The following CTNNA2 variants were observed in gnomAD, a reference collection of about 807,000 sequenced individuals.
CTNNA2 encodes catenin alpha-2.
CTNNA2 carries 42 observed loss-of-function variants against 101.0 expected under a neutral mutation model. The observed-to-expected ratio is 0.42, with a 90% CI of 0.32 to 0.54. CTNNA2 has a LOEUF of 0.54. Among genes scored for constraint, CTNNA2 ranks in the 20% least tolerant of loss-of-function variants. The pLI is 0.14. For synonymous variants in CTNNA2, 450 were observed against 456.4 expected (o/e 0.99, Z 0.18); for missense variants, 871 against 1,223.1 (o/e 0.71, Z 4.29).
chr2:80,482,696 A>G lies in CTNNA2; in HGVS notation c.1291-62286A>G, dbSNP rs555007475. Among the ~76,000 whole-genome samples the G allele has an allele frequency of 3.3e-5, 5 of 152,310 alleles. No homozygotes were observed. The South Asian group carries it at 8.3e-4, about 25-fold the overall frequency. On this transcript the variant is annotated intron_variant, in intron 9 of 18. Transcript: ENST00000402739. Reference sequence around the variant, plus strand: ...ATTATTTTTTGATTCCACAGTGTCAATCTCCATGATGTTCATATTTTCTAC... The same window carrying G: ...ATTATTTTTTGATTCCACAGTGTCAGTCTCCATGATGTTCATATTTTCTAC...
At chr2:80,163,891 G>C (rs1295310651) in intron 7 of CTNNA2, among the ~76,000 whole-genome samples, 1 of 151,324 alleles carries the variant, frequency 6.6e-6, no homozygotes, top group Non-Finnish European at 1.5e-5. Flanking sequence ...TGTTTGCTCT[G>C]AATTCTACTT....
At chr2:79,401,327 TAATATA>T (rs1001586586) in intron 4 of CTNNA2, among the ~76,000 whole-genome samples, 2 of 151,326 alleles carry the variant, frequency 1.3e-5, no homozygotes, top group African/African-American at 2.4e-5. Flanking sequence ...AAAATAAAAA[TAATATA>T]AATATATATT....
intron 7 of CTNNA2, among the ~76,000 whole-genome samples, chr2:79,936,440 A>C (rs1328276641): frequency 6.6e-6 from 1 of 152,032 alleles, no homozygotes; most frequent in African/African-American, 2.4e-5. Context: ...AGAGTTACAG[A>C]CAACCCGACC....
intron 2 of CTNNA2, chr2:79,687,787 A>G: frequency 2.1e-6 from 1 of 475,748 alleles, no homozygotes; most frequent in Non-Finnish European, 3.7e-6. Context: ...TCGGCTTGAA[A>G]TACAGGCGCC....
rs186141072 is a variant in CTNNA2, at chr2:79,678,997, G to A, written c.102+27339G>A. Among the ~76,000 whole-genome samples the A allele has an allele frequency of 2.3e-3, 350 of 152,092 alleles. 1 individual carries two copies. Among genetic ancestry groups the A allele is most frequent in the Admixed American group, 6.2e-3 (95 of 15,272 alleles). On this transcript the variant is annotated intron_variant, in intron 2 of 18. Coordinates refer to ENST00000402739, the MANE Select transcript of CTNNA2 (RefSeq NM_001282597.3). ...CTCCCTCCACTGTTCAGATTTGTGG[G>A]GTTTTTTTAGCTCAGTTGTATTTAT...
intron 4 of CTNNA2, among the ~76,000 whole-genome samples, chr2:79,459,317 C>G (rs1037870087): frequency 2.0e-5 from 3 of 151,554 alleles, no homozygotes; most frequent in Admixed American, 2.0e-4. Context: ...AACATTATTA[C>G]GAACATACAG....
chr2:79,229,902 C>G (rs1247135242), intron 2 of CTNNA2, among the ~76,000 whole-genome samples: 1 of 152,156 alleles, frequency 6.6e-6, no homozygotes, highest in Non-Finnish European at 1.5e-5. Context: ...GCATTATGCC[C>G]CTGCCCTAGA....
intron 7 of CTNNA2, among the ~76,000 whole-genome samples, chr2:80,145,075 A>G (rs1467840268): frequency 1.3e-5 from 2 of 152,190 alleles, no homozygotes; most frequent in Non-Finnish European, 2.9e-5. Flanking sequence ...TCTAGAAGCT[A>G]TGGATACAGA....
intron 4 of CTNNA2, among the ~76,000 whole-genome samples, chr2:79,484,329 TCATGAG>T (rs1558678602): frequency 6.6e-6 from 1 of 152,176 alleles, no homozygotes; most frequent in Non-Finnish European, 1.5e-5. Context: ...GATATAGCTT[TCATGAG>T]CACTCATGTA....
At chr2:80,610,741 C>T (rs186368818) in intron 17 of CTNNA2, among the ~76,000 whole-genome samples, 1 of 151,738 alleles carries the variant, frequency 6.6e-6, no homozygotes, top group Admixed American at 6.6e-5. Flanking sequence ...GCAAAATGCG[C>T]AATTATGTCT....
At chr2:79,775,383 A>G (rs1673884996) in intron 3 of CTNNA2, among the ~76,000 whole-genome samples, 1 of 152,204 alleles carries the variant, frequency 6.6e-6, no homozygotes, top group African/African-American at 2.4e-5. Flanking sequence ...CATTGATATT[A>G]GCATTTCTCA....
chr2:79,737,077 G>C (rs1220762608), intron 2 of CTNNA2, among the ~76,000 whole-genome samples: 1 of 152,206 alleles, frequency 6.6e-6, no homozygotes, highest in African/African-American at 2.4e-5. Context: ...GCCGGGTGCG[G>C]TGGCTCATGC....
chr2:80,034,473 C>T (rs1191703711), intron 7 of CTNNA2, among the ~76,000 whole-genome samples: 15 of 151,562 alleles, frequency 9.9e-5, no homozygotes, highest in Non-Finnish European at 2.1e-4. Context: ...CCTGCCTCAG[C>T]CTCCCAAGTA....
upstream of CTNNA2, among the ~76,000 whole-genome samples, chr2:79,511,218 A>G (rs955677335): frequency 1.3e-5 from 2 of 152,154 alleles, no homozygotes; most frequent in African/African-American, 4.8e-5. Context: ...CTGGAATGAC[A>G]CTGTATGCAG....
At chr2:79,193,614 C>G (rs1393710338) in intron 1 of CTNNA2, among the ~76,000 whole-genome samples, 4 of 152,134 alleles carry the variant, frequency 2.6e-5, no homozygotes, top group Non-Finnish European at 5.9e-5. Context: ...ACTGAAATTG[C>G]TCTTTGCCTT....
At chr2:80,262,413 T>A (rs1455905352) in intron 7 of CTNNA2, among the ~76,000 whole-genome samples, 2 of 152,208 alleles carry the variant, frequency 1.3e-5, no homozygotes, top group Non-Finnish European at 2.9e-5. Context: ...TGCTTGTGTA[T>A]AAACAAATTG....
chr2:80,612,634 T>G (rs184547115), intron 17 of CTNNA2, among the ~76,000 whole-genome samples: 1 of 151,554 alleles, frequency 6.6e-6, no homozygotes, highest in Admixed American at 6.6e-5. Context: ...TTGAAGAGCG[T>G]TGTGTTCCTT....
At chr2:80,162,735 G>C (rs1008913020) in intron 7 of CTNNA2, 6 of 1,609,566 alleles carry the variant, frequency 3.7e-6, no homozygotes, top group Non-Finnish European at 5.1e-6. Context: ...AACTGATGGT[G>C]AAAATCCTGA....
At chr2:80,011,728 A>T (rs866391133) in intron 7 of CTNNA2, among the ~76,000 whole-genome samples, 2 of 152,154 alleles carry the variant, frequency 1.3e-5, no homozygotes, top group Non-Finnish European at 2.9e-5. Flanking sequence ...TAAAGTTGTT[A>T]AGAGTTCTTT....
Sources: allele counts gnomAD v4.1 joint callset (sites outside exome capture counted in the v4.1 genomes callset), GRCh38; gene constraint gnomAD v4.1.1; transcripts MANE v1.5; gene names NCBI Gene and HGNC (gene_info 2026-07-23, HGNC 2026-07-21).